The following TBC1D5 variants were observed in gnomAD, a reference collection of about 807,000 sequenced individuals.
TBC1D5 encodes the protein TBC1 domain family member 5.
Under a neutral mutation model 100.3 loss-of-function variants are expected in TBC1D5, and 75 were observed. The ratio of observed to expected loss-of-function variants is 0.75; its 90% CI spans 0.62 to 0.91. The LOEUF (loss-of-function observed/expected upper bound fraction) is 0.91. Ranked by LOEUF, TBC1D5 falls within the 40% of genes least tolerant of loss-of-function variation. The pLI, the probability that TBC1D5 is intolerant of heterozygous loss-of-function variation, is 0.00. For missense variants in TBC1D5, 910 were observed against 942.4 expected (o/e 0.97, Z 0.45); for synonymous variants, 323 against 325.6 (o/e 0.99, Z 0.09).
At chr3:17,321,037 GA>G (rs1460071808) in intron 13 of TBC1D5, among the ~76,000 whole-genome samples, 4 of 152,052 alleles carry the variant, frequency 2.6e-5, no homozygotes, top group African/African-American at 9.7e-5. Flanking sequence ...AATTATTTTT[GA>G]AATTTATTTT....
intron 18 of TBC1D5, among the ~76,000 whole-genome samples, chr3:17,205,656 C>G (rs376667280): frequency 6.6e-6 from 1 of 152,270 alleles, no homozygotes. Context: ...CTCTCGTGAC[C>G]CTTCTCCTTA....
At chr3:17,376,181 T>C (rs2092700124) in intron 10 of TBC1D5, among the ~76,000 whole-genome samples, 1 of 151,996 alleles carries the variant, frequency 6.6e-6, no homozygotes, top group African/African-American at 2.4e-5. Flanking sequence ...CAACTTGGAG[T>C]AAAAAATGGA....
chr3:17,232,864 AG>A (rs2075535498), intron 17 of TBC1D5, among the ~76,000 whole-genome samples: 1 of 152,148 alleles, frequency 6.6e-6, no homozygotes, highest in Non-Finnish European at 1.5e-5. Flanking sequence ...TTTTAAATTA[AG>A]AAAAACATGG....
At chr3:17,683,050 C>G (rs2069721940) in intron 1 of TBC1D5, among the ~76,000 whole-genome samples, 1 of 151,490 alleles carries the variant, frequency 6.6e-6, no homozygotes, top group South Asian at 2.1e-4. Flanking sequence ...TTCAGAACAT[C>G]TTTCCTTACT....
intron 2 of TBC1D5, chr3:17,622,778 T>C (rs556870805): frequency 2.2e-4 from 33 of 152,236 alleles, no homozygotes; most frequent in Non-Finnish European, 2.4e-4. Context: ...GGAAAAAATA[T>C]ACCATAGAAC....
intron 4 of TBC1D5, among the ~76,000 whole-genome samples, chr3:17,409,804 G>A (rs1345507872): frequency 6.6e-6 from 1 of 152,158 alleles, no homozygotes; most frequent in African/African-American, 2.4e-5. Context: ...TGAGGAAGCT[G>A]CCAAAGAAAA....
At chr3:17,299,868 A>C in intron 14 of TBC1D5, among the ~76,000 whole-genome samples, 1 of 150,366 alleles carries the variant, frequency 6.7e-6, no homozygotes. Context: ...CAAAAAAAAA[A>C]AAAAAAAAAA....
chr3:17,323,196 A>G (rs2085650847), intron 13 of TBC1D5, among the ~76,000 whole-genome samples: 1 of 152,210 alleles, frequency 6.6e-6, no homozygotes, highest in South Asian at 2.1e-4. Context: ...CCCACAACTG[A>G]AAAGGAAGGA....
chr3:17,631,902 G>A (rs868326581), intron 1 of TBC1D5, among the ~76,000 whole-genome samples: 3 of 152,212 alleles, frequency 2.0e-5, no homozygotes, highest in South Asian at 4.1e-4. Flanking sequence ...GGAGATTAAC[G>A]TTGTTTTCAT....
chr3:17,597,490 T>C (rs1236425408), intron 2 of TBC1D5, among the ~76,000 whole-genome samples: 1 of 152,176 alleles, frequency 6.6e-6, no homozygotes, highest in Non-Finnish European at 1.5e-5. Context: ...CATTACACCA[T>C]GCTATACTGA....
chr3:17,517,974 G>A (rs1353900839), intron 2 of TBC1D5, among the ~76,000 whole-genome samples: 1 of 152,162 alleles, frequency 6.6e-6, no homozygotes, highest in Non-Finnish European at 1.5e-5. Flanking sequence ...GAAAGCTGCA[G>A]TGTACTATGG....
In TBC1D5 at chr3:17,332,259, G is replaced by A. The variant is rs1006377657; in HGVS notation, c.996-24125C>T. 1.1e-4 allele frequency among the ~76,000 whole-genome samples: 17 copies of A among 152,272 alleles called. No individual in the cohort carries two copies. In the South Asian group the frequency reaches 1.7e-3, roughly 15 times the overall value. On this transcript the variant is annotated intron_variant, in intron 13 of 21. Coordinates refer to ENST00000253692, the Ensembl canonical transcript of TBC1D5. ...TTGTTAATTTACAGGAGATGAAAGG[G>A]AAATAAAGGAATCCAGATGATTCCT...
At chr3:17,464,767 TTCTG>T (rs1415769029) in intron 3 of TBC1D5, among the ~76,000 whole-genome samples, 1 of 152,232 alleles carries the variant, frequency 6.6e-6, no homozygotes, top group African/African-American at 2.4e-5. Context: ...ATGTGATTCT[TTCTG>T]AAGAAGTCCT....
chr3:17,726,679 T>C (rs1440109352), intron 1 of TBC1D5, among the ~76,000 whole-genome samples: 1 of 152,252 alleles, frequency 6.6e-6, no homozygotes, highest in Non-Finnish European at 1.5e-5. Context: ...TTTACTTTGC[T>C]GATGATTTCT....
chr3:17,456,670 G>C (rs1015809345), intron 3 of TBC1D5, among the ~76,000 whole-genome samples: 7 of 152,166 alleles, frequency 4.6e-5, no homozygotes, highest in Non-Finnish European at 1.0e-4. Flanking sequence ...TGAGGATGTA[G>C]AACTCTTATA....
intron 1 of TBC1D5, among the ~76,000 whole-genome samples, chr3:17,636,767 C>T (rs920149453): frequency 1.3e-5 from 2 of 151,726 alleles, no homozygotes; most frequent in Non-Finnish European, 2.9e-5. Flanking sequence ...TGCCACTGCA[C>T]TCCAGCCTGG....
At chr3:17,323,480 A>T (rs1334987578) in intron 13 of TBC1D5, among the ~76,000 whole-genome samples, 1 of 151,912 alleles carries the variant, frequency 6.6e-6, no homozygotes, top group African/African-American at 2.4e-5. Context: ...ACTGTACAAA[A>T]ACAAAACACT....
chr3:17,352,047 AGAG>A (rs1362475434), intron 13 of TBC1D5, among the ~76,000 whole-genome samples: 1 of 151,718 alleles, frequency 6.6e-6, no homozygotes, highest in Non-Finnish European at 1.5e-5. Context: ...TAAGACATAC[AGAG>A]AAGCAGCCAC....
chr3:17,455,424 A>G (rs1192169546), intron 3 of TBC1D5, among the ~76,000 whole-genome samples: 1 of 145,484 alleles, frequency 6.9e-6, no homozygotes, highest in East Asian at 2.0e-4. Flanking sequence ...ATATGTATAT[A>G]TGTGTGTATG....
Sources: allele counts gnomAD v4.1 joint callset (sites outside exome capture counted in the v4.1 genomes callset), GRCh38; gene constraint gnomAD v4.1.1; transcripts MANE v1.5; gene names NCBI Gene and HGNC (gene_info 2026-07-23, HGNC 2026-07-21).